MGA: variants seen among roughly 807,000 people sequenced by gnomAD.
MGA encodes the protein MAX gene-associated protein.
In MGA, 40 loss-of-function variants were observed where a neutral mutation model predicts 261.1. That is an observed-to-expected ratio of 0.15 (90% confidence interval 0.12 to 0.20). The LOEUF is 0.20. MGA is among the 10% of genes least tolerant of loss of function. The pLI, the probability that MGA is intolerant of heterozygous loss-of-function variation, is 1.00. For missense variants in MGA, 3,397 were observed against 3,630.5 expected (o/e 0.94, Z 1.65); for synonymous variants, 1,302 against 1,290.6 (o/e 1.01, Z -0.19).
intron 9 of MGA, among the ~76,000 whole-genome samples, chr15:41,716,832 A>G (rs2060663625): frequency 6.6e-6 from 1 of 152,096 alleles, no homozygotes; most frequent in Admixed American, 6.6e-5. Flanking sequence ...TATATAGTTA[A>G]TATATAAAAA....
Position 41,742,910 on chromosome 15 carries a change from A to G in MGA, c.4950A>G (p.Thr1650=). ...AAACTAATACCAGCACCTCTGTAAC[A>G]TCTACCCAGTCTACAGCCACTGTGA... The change falls in exon 15 of 24, where the codon ACA becomes ACG. Residue 1650 remains threonine, a synonymous_variant. Coordinates refer to ENST00000219905, the MANE Select transcript of MGA (RefSeq NM_001164273.2). The G allele has an allele frequency of 5.6e-6, 9 of 1,614,042 alleles. No homozygotes were observed. Among genetic ancestry groups the G allele is most frequent in the Non-Finnish European group, 7.6e-6 (9 of 1,179,892 alleles).
chr15:41,682,078 C>T (rs550029540), intron 2 of MGA, among the ~76,000 whole-genome samples: 8 of 151,894 alleles, frequency 5.3e-5, no homozygotes, highest in South Asian at 2.1e-4. Context: ...CCACCATGCC[C>T]GGCTAATTTT....
chr15:41,655,892 C>T (rs17677062), upstream of MGA, among the ~76,000 whole-genome samples: 2 of 152,160 alleles, frequency 1.3e-5, no homozygotes, highest in Admixed American at 6.5e-5. Flanking sequence ...TTTTCCAAAC[C>T]TCACATTGTT....
intron 8 of MGA, among the ~76,000 whole-genome samples, chr15:41,711,561 G>A (rs1033166154): frequency 6.9e-6 from 1 of 144,966 alleles, no homozygotes; most frequent in Non-Finnish European, 1.5e-5. Flanking sequence ...GAGAGAGAGA[G>A]TACAATTGCA....
At chr15:41,655,850 G>A (rs1211032619), upstream of MGA, among the ~76,000 whole-genome samples, 5 of 152,122 alleles carry the variant, frequency 3.3e-5, no homozygotes, top group African/African-American at 7.2e-5. Context: ...ATATAACTAC[G>A]TAATATAACT....
At chr15:41,677,282 CA>C (rs915095771) in intron 2 of MGA, among the ~76,000 whole-genome samples, 2 of 152,190 alleles carry the variant, frequency 1.3e-5, no homozygotes, top group African/African-American at 4.8e-5. Context: ...GCTGCGATTA[CA>C]GGCACGTGCC....
At position 41,749,488 on chromosome 15, in the gene MGA, C is replaced by A; in HGVS notation, c.5881C>A (p.Gln1961Lys). ...AAAGCCTGTTCCTAGCTCCATTCTTCAGCATGTTGCTTCCCTTCAGATGAA... is the reference window on the plus strand; with the variant it reads ...AAAGCCTGTTCCTAGCTCCATTCTTAAGCATGTTGCTTCCCTTCAGATGAA... Residue 1961 changes from glutamine (Q) to lysine (K), a missense_variant, in exon 17 of 24, where the codon CAG (glutamine) becomes AAG (lysine). Gln to Lys is a moderately conservative substitution (Grantham distance 53). Around this residue, in one of 9 missense-constraint regions of MGA, gnomAD observed 1,410 missense variants for 1,386.4 expected, o/e 1.02. Coordinates refer to ENST00000219905, the MANE Select transcript of MGA (RefSeq NM_001164273.2). The A allele has an allele frequency of 6.2e-7, 1 of 1,614,004 alleles. No homozygotes were observed. The highest frequency in any genetic ancestry group is 1.1e-5 in the South Asian group (1 of 91,084).
At chr15:41,725,317 A>T (rs544790802) in intron 9 of MGA, among the ~76,000 whole-genome samples, 5 of 152,014 alleles carry the variant, frequency 3.3e-5, no homozygotes, top group East Asian at 1.9e-4. Flanking sequence ...TAAAAAGAAA[A>T]TTTTTTTTCT....
chr15:41,725,281 T>A (rs1245936243), intron 9 of MGA, among the ~76,000 whole-genome samples: 4 of 152,224 alleles, frequency 2.6e-5, no homozygotes, highest in Non-Finnish European at 4.4e-5. Flanking sequence ...AAAACAGGCC[T>A]GGGTAACATA....
chr15:41,737,261 A>T (rs889155022), intron 13 of MGA, among the ~76,000 whole-genome samples: 2 of 151,540 alleles, frequency 1.3e-5, no homozygotes, highest in East Asian at 3.9e-4. Flanking sequence ...AGTAGCTGGG[A>T]TTACAGGCAT....
At chr15:41,623,940 A>G (rs1297303341) in intron 1 of MGA, among the ~76,000 whole-genome samples, 1 of 151,324 alleles carries the variant, frequency 6.6e-6, no homozygotes, top group Non-Finnish European at 1.5e-5. Flanking sequence ...TAATTTTTGT[A>G]ATTTTAGTTG....
chr15:41,716,794 T>C (rs2151546460), intron 9 of MGA, among the ~76,000 whole-genome samples: 1 of 152,306 alleles, frequency 6.6e-6, no homozygotes, highest in South Asian at 2.1e-4. Flanking sequence ...TTTTATATTC[T>C]TTAGCACAGT....
chr15:41,627,947 A>G (rs2056494054), intron 1 of MGA, among the ~76,000 whole-genome samples: 1 of 152,250 alleles, frequency 6.6e-6, no homozygotes, highest in South Asian at 2.1e-4. Flanking sequence ...TCAATTAGGT[A>G]ATATCTTACA....
At chr15:41,714,975 G>T (rs2060552875) in intron 9 of MGA, among the ~76,000 whole-genome samples, 1 of 151,764 alleles carries the variant, frequency 6.6e-6, no homozygotes, top group Non-Finnish European at 1.5e-5. Context: ...ATTGGAGTGT[G>T]TTTTTTTCCT....
intron 2 of MGA, among the ~76,000 whole-genome samples, chr15:41,685,553 T>C (rs2058910238): frequency 6.6e-6 from 1 of 152,228 alleles, no homozygotes; most frequent in South Asian, 2.1e-4. Context: ...TTGACATCAT[T>C]GAATATTCTG....
In MGA at chr15:41,696,234, T is replaced by C. The variant is rs751375804; in HGVS notation, c.1224T>C (p.Asp408=). Residue 408 remains aspartate (D), a synonymous_variant, in exon 3 of 24, where the codon GAT becomes GAC. Transcript: ENST00000219905. The stretch of plus-strand genomic sequence containing the variant: ...TCACTGTGAAACAGGAAGAGACAGA[T>C]GAAGAGACGGATGTATACTCAAACA... 1.9e-6 allele frequency: 3 copies of C among 1,613,894 alleles called. No individual in the cohort carries two copies. The highest frequency in any genetic ancestry group is 1.1e-5 in the South Asian group (1 of 91,080).
intron 1 of MGA, among the ~76,000 whole-genome samples, chr15:41,651,210 C>T (rs972651066): frequency 6.6e-6 from 1 of 152,184 alleles, no homozygotes; most frequent in Non-Finnish European, 1.5e-5. Flanking sequence ...ACTAAGGCCC[C>T]ACCTCCCAAC....
rs200319348 is a variant in MGA at position 41,669,101 on chromosome 15, T to G, written c.207T>G (p.Asp69Glu). 2.6e-4 allele frequency: 420 copies of G among 1,610,368 alleles called. No individual in the cohort carries two copies. The highest frequency in any genetic ancestry group is 3.3e-4 in the Non-Finnish European group (384 of 1,176,812). Residue 69 changes from aspartate (D) to glutamate (E), a missense_variant, in exon 2 of 24, where the codon GAT becomes GAG. Physicochemically the swap from Asp to Glu is conservative, Grantham distance 45 (BLOSUM62 2). Around this residue, in one of 9 missense-constraint regions of MGA, gnomAD observed 81 missense variants for 84.3 expected, o/e 0.96. Coordinates refer to ENST00000219905, the MANE Select transcript of MGA (RefSeq NM_001164273.2). Reference sequence around the variant, plus strand: ...AAGGGAAGATTTGCCTTCCAGCTGATTGTACTGTGGGTGGAATCACTGTTA... The same window carrying G: ...AAGGGAAGATTTGCCTTCCAGCTGAGTGTACTGTGGGTGGAATCACTGTTA...
At chr15:41,678,339 C>T (rs921099240) in intron 2 of MGA, among the ~76,000 whole-genome samples, 4 of 151,838 alleles carry the variant, frequency 2.6e-5, no homozygotes, top group Non-Finnish European at 5.9e-5. Flanking sequence ...GATCTGCCCG[C>T]CTCAGCCTCC....
Sources: gnomAD v4.1 joint callset for allele counts (sites outside exome capture counted in the v4.1 genomes callset) on GRCh38, gnomAD v4.1.1 for gene constraint, gnomAD v4.1.1 regional missense constraint, MANE v1.5 for transcripts, NCBI Gene and HGNC (gene_info 2026-07-23, HGNC 2026-07-21) for gene names.